NEO1: variants seen among roughly 807,000 people sequenced by gnomAD.
The protein encoded by NEO1 is neogenin.
A neutral mutation model predicts 159.7 loss-of-function variants in NEO1; 63 were observed. The observed-to-expected ratio is 0.39, with a 90% CI of 0.32 to 0.49. NEO1 has a LOEUF of 0.49. Ranked by LOEUF, NEO1 falls within the 20% of genes least tolerant of loss-of-function variation. NEO1 has a pLI of 0.85. For missense variants in NEO1, 1,615 were observed against 1,831.0 expected, an observed-to-expected ratio of 0.88 and a Z score of 2.15; for synonymous variants, 633 against 662.0, an observed-to-expected ratio of 0.96 and a Z score of 0.67.
intron 7 of NEO1, among the ~76,000 whole-genome samples, chr15:73,218,690 G>C (rs953912112): frequency 1.3e-5 from 2 of 151,324 alleles, no homozygotes; most frequent in African/African-American, 4.9e-5. Flanking sequence ...TCCATTTCTT[G>C]TAGATTTTCT....
intron 1 of NEO1, among the ~76,000 whole-genome samples, chr15:73,106,226 G>A (rs1478693851): frequency 6.6e-6 from 1 of 151,892 alleles, no homozygotes; most frequent in Non-Finnish European, 1.5e-5. Context: ...ACCTTTTCCA[G>A]AAATAATACA....
chr15:73,196,554 G>C (rs968034505), intron 7 of NEO1, among the ~76,000 whole-genome samples: 1 of 152,166 alleles, frequency 6.6e-6, no homozygotes, highest in African/African-American at 2.4e-5. Flanking sequence ...TGTAGCCTTG[G>C]CTATTTTTGT....
intron 7 of NEO1, among the ~76,000 whole-genome samples, chr15:73,180,981 A>G (rs888740573): frequency 5.3e-5 from 8 of 152,226 alleles, no homozygotes; most frequent in African/African-American, 1.9e-4. Flanking sequence ...CAATATAATA[A>G]GGGATGTAAG....
intron 7 of NEO1, among the ~76,000 whole-genome samples, chr15:73,204,927 A>G (rs2037125892): frequency 6.6e-6 from 1 of 152,058 alleles, no homozygotes; most frequent in Admixed American, 6.6e-5. Context: ...TGTGTGTTTA[A>G]TGTTTGTTGT....
chr15:73,132,237 T>C (rs2031226870), intron 4 of NEO1, among the ~76,000 whole-genome samples: 2 of 152,206 alleles, frequency 1.3e-5, no homozygotes, highest in African/African-American at 2.4e-5. Context: ...TTTTTAAGAG[T>C]AGTCAATACT....
Position 73,178,510 on chromosome 15 carries a change from A to G in NEO1, c.1291+83A>G, listed in dbSNP as rs575073097. ...CATCCGTCCAAATAACTCATGATTGATAACCCATTAGTAAAGGCCAATATG... is the reference window on the plus strand; with the variant it reads ...CATCCGTCCAAATAACTCATGATTGGTAACCCATTAGTAAAGGCCAATATG... On this transcript the variant is annotated intron_variant, in intron 7 of 28. Transcript: ENST00000261908. 15 of 1,511,502 alleles carry G rather than the reference A, an allele frequency of 9.9e-6. No homozygotes were observed. The African/African-American group carries it at 1.7e-4, about 17-fold the overall frequency. 93.6% of individuals were successfully genotyped at this position (1,511,502 alleles called of 1,614,324 possible).
intron 1 of NEO1, among the ~76,000 whole-genome samples, chr15:73,068,231 C>CCCCCA (rs55919404): frequency 8.3e-6 from 1 of 120,562 alleles, no homozygotes; most frequent in African/African-American, 2.9e-5. Context: ...CTACCCCCCC[C>CCCCCA]CCTTTTTTTT....
chr15:73,138,141 A>T (rs1044720080), intron 5 of NEO1, among the ~76,000 whole-genome samples: 33 of 152,204 alleles, frequency 2.2e-4, no homozygotes, highest in Admixed American at 2.2e-3. Flanking sequence ...TTATATATAC[A>T]GTAACGTATA....
chr15:73,089,042 T>TG (rs1336277792), intron 1 of NEO1, among the ~76,000 whole-genome samples: 1 of 152,148 alleles, frequency 6.6e-6, no homozygotes, highest in Non-Finnish European at 1.5e-5. Context: ...AAAAGCTCTT[T>TG]GAGGAAACAA....
At chr15:73,264,007 G>A (rs2040766975) in intron 15 of NEO1, among the ~76,000 whole-genome samples, 1 of 151,942 alleles carries the variant, frequency 6.6e-6, no homozygotes, top group Admixed American at 6.6e-5. Flanking sequence ...GCAACATATT[G>A]CGACCTCATC....
At chr15:73,089,614 T>C (rs1290402329) in intron 1 of NEO1, among the ~76,000 whole-genome samples, 5 of 152,018 alleles carry the variant, frequency 3.3e-5, no homozygotes, top group African/African-American at 9.7e-5. Flanking sequence ...TTTTTTTTTT[T>C]TTGCTCCTTA....
intron 3 of NEO1, among the ~76,000 whole-genome samples, chr15:73,124,057 C>T (rs2071827445): frequency 6.6e-6 from 1 of 151,968 alleles, no homozygotes; most frequent in Admixed American, 6.6e-5. Context: ...CCTGTGCACG[C>T]ATATGCATAT....
intron 9 of NEO1, among the ~76,000 whole-genome samples, chr15:73,246,249 G>C (rs1046020992): frequency 2.6e-5 from 4 of 152,142 alleles, no homozygotes; most frequent in African/African-American, 9.7e-5. Flanking sequence ...GAGCAGGCAA[G>C]GTAGGAGACC....
rs142824919 is a variant in NEO1 at position 73,173,826 on chromosome 15, G to A, written c.1016-2577G>A. Among the ~76,000 whole-genome samples, 593 of 152,192 alleles carry A rather than the reference G, an allele frequency of 3.9e-3. 4 individuals carry two copies. The highest frequency in any genetic ancestry group is 0.013 in the African/African-American group (558 of 41,536). ...TATAAAGAATTATTAATGGCCGGTC[G>A]CGGTGGCTCATGCCTGTAATCCCAG... On this transcript the variant is annotated intron_variant, in intron 5 of 28. Transcript: ENST00000261908.
At chr15:73,271,076 C>G (rs187315147) in intron 18 of NEO1, among the ~76,000 whole-genome samples, 2 of 152,278 alleles carry the variant, frequency 1.3e-5, no homozygotes, top group East Asian at 3.9e-4. Flanking sequence ...CTATTTCTCT[C>G]CTATATGAAT....
At position 73,218,100 on chromosome 15, in the gene NEO1, A is replaced by G. The variant is rs111299796; in HGVS notation, c.1292-18247A>G. On this transcript the variant is annotated intron_variant, in intron 7 of 28. Coordinates refer to ENST00000261908, the MANE Select transcript of NEO1 (RefSeq NM_002499.4). ...GCTTTTATTATTTTAGATACGTCCC[A>G]TCAATACCTAATTTATTGAGAGTTT... Among the ~76,000 whole-genome samples, 1,063 of 152,312 alleles carry G rather than the reference A, an allele frequency of 7.0e-3. 11 individuals are homozygous for G. Among genetic ancestry groups the G allele is most frequent in the South Asian group, 0.052 (253 of 4,826 alleles).
intron 15 of NEO1, among the ~76,000 whole-genome samples, chr15:73,261,125 T>C (rs745330620): frequency 3.0e-4 from 46 of 152,126 alleles, no homozygotes; most frequent in Admixed American, 7.2e-4. Context: ...CTTCCATCTT[T>C]CTTTGAGCAC....
intron 7 of NEO1, among the ~76,000 whole-genome samples, chr15:73,218,142 T>C (rs969514917): frequency 1.3e-5 from 2 of 152,254 alleles, no homozygotes; most frequent in South Asian, 2.1e-4. Context: ...TGAACGGCTG[T>C]TGAATTTTGT....
chr15:73,201,954 CT>C (rs1206304409), intron 7 of NEO1, among the ~76,000 whole-genome samples: 21,308 of 84,002 alleles, frequency 0.25, 1,027 homozygotes, highest in Admixed American at 0.32. Context: ...CTATATCATT[CT>C]TTTTTTTTTT....
Sources: gnomAD v4.1 joint callset for allele counts (sites outside exome capture counted in the v4.1 genomes callset) on GRCh38, gnomAD v4.1.1 for gene constraint, MANE v1.5 for transcripts, NCBI Gene and HGNC (gene_info 2026-07-23, HGNC 2026-07-21) for gene names.